The following ZNF521 variants were observed in gnomAD, a reference collection of about 807,000 sequenced individuals.
ZNF521 encodes zinc finger protein 521.
A neutral mutation model predicts 105.5 loss-of-function variants in ZNF521; 14 were observed. The observed-to-expected ratio is 0.13, with a 90% CI of 0.09 to 0.21. The LOEUF (loss-of-function observed/expected upper bound fraction) is 0.21. Among genes scored for constraint, ZNF521 ranks in the 10% least tolerant of loss-of-function variants. ZNF521 has a pLI of 1.00. For synonymous variants in ZNF521, 635 were observed against 606.0 expected (o/e 1.05, Z -0.70); for missense variants, 1,233 against 1,629.7 (o/e 0.76, Z 4.19).
chr18:25,238,075 A>T (rs1907046863), intron 3 of ZNF521, among the ~76,000 whole-genome samples: 1 of 152,172 alleles, frequency 6.6e-6, no homozygotes, highest in Non-Finnish European at 1.5e-5. Context: ...ACTGAAACCC[A>T]CATCCAAATC....
At chr18:25,178,990 A>G (rs1415272252) in intron 5 of ZNF521, among the ~76,000 whole-genome samples, 1 of 152,046 alleles carries the variant, frequency 6.6e-6, no homozygotes, top group Admixed American at 6.6e-5. Context: ...AACAAAAGTA[A>G]TGATAACAAC....
intron 2 of ZNF521, chr18:25,327,564 G>T: frequency 1.5e-6 from 1 of 669,004 alleles, no homozygotes; most frequent in Non-Finnish European, 2.4e-6. Flanking sequence ...TTTAAGAACA[G>T]AGAAAAAGTT....
At chr18:25,251,519 G>A (rs1222213875) in intron 3 of ZNF521, among the ~76,000 whole-genome samples, 2 of 152,172 alleles carry the variant, frequency 1.3e-5, no homozygotes, top group African/African-American at 2.4e-5. Context: ...TACTCAAAGA[G>A]ATTTCCAGCC....
chr18:25,116,975 A>ACG (rs2034330807), intron 5 of ZNF521, among the ~76,000 whole-genome samples: 2 of 37,442 alleles, frequency 5.3e-5, no homozygotes, highest in African/African-American at 1.6e-4. Context: ...ATATATATGT[A>ACG]TATATATATA....
intron 5 of ZNF521, among the ~76,000 whole-genome samples, chr18:25,183,382 C>T (rs1361726236): frequency 1.8e-4 from 28 of 152,126 alleles, no homozygotes; most frequent in Admixed American, 1.8e-3. Context: ...GTAATTAATG[C>T]TAACAGCACT....
At chr18:25,286,009 T>TAATA (rs1257699046) in intron 3 of ZNF521, among the ~76,000 whole-genome samples, 13 of 152,338 alleles carry the variant, frequency 8.5e-5, no homozygotes, top group African/African-American at 2.9e-4. Context: ...ATGTACGACT[T>TAATA]AATAACCCAG....
At chr18:25,195,027 TA>T (rs1021163839) in intron 5 of ZNF521, 132 bp downstream of exon 5, 4,586 of 667,358 alleles carry the variant, frequency 6.9e-3, no homozygotes, top group South Asian at 8.1e-3. Flanking sequence ...TAACAGAAAT[TA>T]AAAAAAAAAT....
At chr18:25,189,038 T>G (rs2035774659) in intron 5 of ZNF521, among the ~76,000 whole-genome samples, 1 of 152,244 alleles carries the variant, frequency 6.6e-6, no homozygotes, top group South Asian at 2.1e-4. Context: ...AACACATGAT[T>G]TGTCTTTTAA....
chr18:25,298,987 C>G (rs964601949), intron 3 of ZNF521, among the ~76,000 whole-genome samples: 4 of 152,158 alleles, frequency 2.6e-5, no homozygotes, highest in Non-Finnish European at 2.9e-5. Context: ...CCTTGGACAA[C>G]GGACATCCTG....
chr18:25,181,648 C>T (rs1273583538), intron 5 of ZNF521, among the ~76,000 whole-genome samples: 2 of 152,072 alleles, frequency 1.3e-5, no homozygotes, highest in Non-Finnish European at 2.9e-5. Context: ...TCAATATCCC[C>T]CTAGAGAATG....
At chr18:25,162,036 T>C (rs146917603) in intron 5 of ZNF521, among the ~76,000 whole-genome samples, 1,782 of 152,170 alleles carry the variant, frequency 0.012, 19 homozygotes, top group South Asian at 0.018. Flanking sequence ...TGTAAGAAAA[T>C]TTAAATCTCC....
At chr18:25,246,479 T>C (rs1156325645) in intron 3 of ZNF521, among the ~76,000 whole-genome samples, 1 of 152,168 alleles carries the variant, frequency 6.6e-6, no homozygotes, top group Non-Finnish European at 1.5e-5. Flanking sequence ...TTTTCCTTTT[T>C]CCCCCATCCA....
intron 4 of ZNF521, among the ~76,000 whole-genome samples, chr18:25,209,535 C>A (rs1387234799): frequency 6.6e-6 from 1 of 152,202 alleles, no homozygotes; most frequent in African/African-American, 2.4e-5. Flanking sequence ...TCATACAGGG[C>A]ATCGTCGGTG....
chr18:25,193,073 T>G (rs1156309275), intron 5 of ZNF521, among the ~76,000 whole-genome samples: 4 of 152,074 alleles, frequency 2.6e-5, no homozygotes, highest in Admixed American at 2.6e-4. Context: ...TGTTAAATGC[T>G]CAGGTCCCAA....
At chr18:25,351,226 A>T (rs1914747702) in intron 1 of ZNF521, 1 of 149,552 alleles carries the variant, frequency 6.7e-6, no homozygotes, top group Non-Finnish European at 1.5e-5. Flanking sequence ...TCTCCAAGAA[A>T]AAAAAAAAAA....
intron 3 of ZNF521, among the ~76,000 whole-genome samples, chr18:25,247,387 G>A (rs1204345351): frequency 2.0e-5 from 3 of 152,154 alleles, no homozygotes; most frequent in Non-Finnish European, 2.9e-5. Context: ...GAAAACAATA[G>A]TATGTACAAA....
intron 2 of ZNF521, among the ~76,000 whole-genome samples, chr18:25,334,648 A>G (rs1437494688): frequency 6.6e-6 from 1 of 152,232 alleles, no homozygotes. Flanking sequence ...AATGGTTACT[A>G]AGAGTTGAAT....
chr18:25,074,140 G>A (rs986310237), intron 7 of ZNF521, among the ~76,000 whole-genome samples: 3 of 152,172 alleles, frequency 2.0e-5, no homozygotes, highest in African/African-American at 7.2e-5. Context: ...CTAAGCGAGT[G>A]TTGCGCAGGG....
intron 5 of ZNF521, among the ~76,000 whole-genome samples, chr18:25,148,728 A>G (rs1191345215): frequency 6.6e-6 from 1 of 152,092 alleles, no homozygotes. Flanking sequence ...TGGTTTTCAG[A>G]GCATTCGAAT....
Sources: allele counts gnomAD v4.1 joint callset (sites outside exome capture counted in the v4.1 genomes callset), GRCh38; gene constraint gnomAD v4.1.1; transcripts MANE v1.5; gene names NCBI Gene and HGNC (gene_info 2026-07-23, HGNC 2026-07-21).